The following CACNA1E variants were observed in gnomAD, a reference collection of about 807,000 sequenced individuals.
CACNA1E encodes voltage-dependent R-type calcium channel subunit alpha-1E.
In CACNA1E, 40 loss-of-function variants were observed where a neutral mutation model predicts 259.2. The ratio of observed to expected loss-of-function variants is 0.15; its 90% CI spans 0.12 to 0.20. The LOEUF is 0.20. CACNA1E is among the 10% of genes least tolerant of loss of function. The pLI is 1.00. For missense variants in CACNA1E, 1,874 were observed against 3,040.1 expected, an observed-to-expected ratio of 0.62 and a Z score of 9.02; for synonymous variants, 1,104 against 1,138.5, an observed-to-expected ratio of 0.97 and a Z score of 0.61.
intron 2 of CACNA1E, among the ~76,000 whole-genome samples, chr1:181,418,893 T>C (rs1478174543): frequency 6.6e-6 from 1 of 152,060 alleles, no homozygotes; most frequent in Non-Finnish European, 1.5e-5. Flanking sequence ...ACTTTATAAA[T>C]ATTAATTAAT....
At chr1:181,606,929 C>A (rs186034454) in intron 6 of CACNA1E, among the ~76,000 whole-genome samples, 8 of 152,304 alleles carry the variant, frequency 5.3e-5, no homozygotes, top group Admixed American at 5.2e-4. Flanking sequence ...TGATCATTGA[C>A]CCTAAACAAA....
At chr1:181,369,079 G>A (rs1654499217) in intron 1 of CACNA1E, among the ~76,000 whole-genome samples, 1 of 152,240 alleles carries the variant, frequency 6.6e-6, no homozygotes, top group African/African-American at 2.4e-5. Context: ...GAAGAGAGTA[G>A]ACTCTTTTGT....
chr1:181,614,576 A>G (rs1206003773), intron 6 of CACNA1E, among the ~76,000 whole-genome samples: 1 of 152,236 alleles, frequency 6.6e-6, no homozygotes, highest in Non-Finnish European at 1.5e-5. Context: ...TCATTGCAAT[A>G]GCAACAGGAG....
chr1:181,724,599 TG>T, intron 17 of CACNA1E, 62 bp downstream of exon 17: 1 of 1,344,000 alleles, frequency 7.4e-7, no homozygotes, highest in Non-Finnish European at 1.0e-6. Flanking sequence ...CTTTGGCCTT[TG>T]GAACTCTCTC....
At chr1:181,450,419 G>T (rs1328553991) in intron 2 of CACNA1E, among the ~76,000 whole-genome samples, 1 of 77,822 alleles carries the variant, frequency 1.3e-5, no homozygotes, top group African/African-American at 6.2e-5. Context: ...AGGTGAAGGG[G>T]GATTGTGTGT....
intron 6 of CACNA1E, among the ~76,000 whole-genome samples, chr1:181,636,933 T>A (rs1657267244): frequency 6.6e-6 from 1 of 152,212 alleles, no homozygotes; most frequent in African/African-American, 2.4e-5. Flanking sequence ...AAAGAGGCTG[T>A]GTTTTCTGAA....
chr1:181,568,710 C>G (rs1316716856), intron 3 of CACNA1E, among the ~76,000 whole-genome samples: 2 of 152,162 alleles, frequency 1.3e-5, no homozygotes, highest in Non-Finnish European at 2.9e-5. Flanking sequence ...TCTCCCACCT[C>G]AGCCTCCCAA....
chr1:181,526,412 A>ATTTTTTTTTTTTTTTTT, intron 3 of CACNA1E, among the ~76,000 whole-genome samples: 1 of 143,000 alleles, frequency 7.0e-6, no homozygotes. Flanking sequence ...CATGGTCTGA[A>ATTTTTTTTTTTTTTTTT]TTTTTTTTTT....
intron 1 of CACNA1E, among the ~76,000 whole-genome samples, chr1:181,506,149 G>T (rs1454992389): frequency 6.6e-6 from 1 of 152,248 alleles, no homozygotes; most frequent in Non-Finnish European, 1.5e-5. Context: ...GATTGTGGTT[G>T]CCATGAAGGG....
chr1:181,796,960 C>T, intron 47 of CACNA1E, 102 bp downstream of exon 47: 1 of 781,622 alleles, frequency 1.3e-6, no homozygotes, highest in Non-Finnish European at 2.0e-6. Flanking sequence ...ATTCAAGTAC[C>T]CACAAAGACT....
At chr1:181,621,051 C>A (rs1655678141) in intron 6 of CACNA1E, among the ~76,000 whole-genome samples, 1 of 152,216 alleles carries the variant, frequency 6.6e-6, no homozygotes. Flanking sequence ...TTGGCTGATG[C>A]TAGTCAAATA....
At chr1:181,755,845 G>T in intron 28 of CACNA1E, 111 bp from the exon 29 acceptor site, 1 of 1,131,772 alleles carries the variant, frequency 8.8e-7, no homozygotes, top group South Asian at 1.6e-5. Context: ...CCTTACACAT[G>T]TATGGTGATC....
chr1:181,545,011 C>G (rs1230632358), intron 3 of CACNA1E, among the ~76,000 whole-genome samples: 2 of 152,242 alleles, frequency 1.3e-5, no homozygotes, highest in South Asian at 2.1e-4. Context: ...GGCCCTACCC[C>G]CAGAGGGTAA....
chr1:181,463,769 A>G (rs1280553636), intron 2 of CACNA1E, among the ~76,000 whole-genome samples: 1 of 152,002 alleles, frequency 6.6e-6, no homozygotes, highest in Non-Finnish European at 1.5e-5. Flanking sequence ...CACTTTGTTT[A>G]TGGTGCTTTT....
intron 3 of CACNA1E, among the ~76,000 whole-genome samples, chr1:181,517,858 G>GTTTT (rs1666708795): frequency 6.6e-6 from 1 of 152,310 alleles, no homozygotes; most frequent in South Asian, 2.1e-4. Flanking sequence ...GGAAAGCAGA[G>GTTTT]TTTTCCTCAG....
chr1:181,650,878 G>A (rs369784979), intron 6 of CACNA1E, among the ~76,000 whole-genome samples: 9 of 152,208 alleles, frequency 5.9e-5, no homozygotes, highest in African/African-American at 9.6e-5. Flanking sequence ...TGAGCAAGAC[G>A]CAGAGGACCC....
chr1:181,779,174 A>C (rs73045158), intron 38 of CACNA1E, among the ~76,000 whole-genome samples: 2 of 152,294 alleles, frequency 1.3e-5, no homozygotes, highest in African/African-American at 4.8e-5. Flanking sequence ...TATGGTCCAG[A>C]TAGGTATAAT....
intron 6 of CACNA1E, among the ~76,000 whole-genome samples, chr1:181,642,651 C>T (rs7543813): frequency 0.2 from 29,691 of 152,076 alleles, 3,133 homozygotes; most frequent in South Asian, 0.27. Flanking sequence ...AGGGGTGATG[C>T]ACTTTAGCTC....
At chr1:181,343,805 C>T (rs1477661410) in intron 1 of CACNA1E, among the ~76,000 whole-genome samples, 1 of 152,164 alleles carries the variant, frequency 6.6e-6, no homozygotes, top group Non-Finnish European at 1.5e-5. Flanking sequence ...TGGTGATGCC[C>T]TGTCTCCTCT....
Sources: gnomAD v4.1 joint callset for allele counts (sites outside exome capture counted in the v4.1 genomes callset) on GRCh38, gnomAD v4.1.1 for gene constraint, MANE v1.5 for transcripts, NCBI Gene and HGNC (gene_info 2026-07-23, HGNC 2026-07-21) for gene names.